The following SLC5A4 variants were observed in gnomAD, a reference collection of about 807,000 sequenced individuals.
SLC5A4 encodes solute carrier family 5 member 4.
Under a neutral mutation model 70.3 loss-of-function variants are expected in SLC5A4, and 55 were observed. That is an observed-to-expected ratio of 0.78 (90% CI 0.63 to 0.98). The LOEUF is 0.98. Among genes scored for constraint, SLC5A4 ranks in the 50% least tolerant of loss-of-function variants. The pLI is 0.00. For synonymous variants in SLC5A4, 268 were observed against 305.7 expected (o/e 0.88, Z 1.29); for missense variants, 735 against 839.2 (o/e 0.88, Z 1.53).
the SLC5A4 span, among the ~76,000 whole-genome samples, chr22:32,337,828 G>T: frequency 6.6e-6 from 1 of 151,296 alleles, no homozygotes; most frequent in African/African-American, 2.4e-5. Flanking sequence ...AGACACAACA[G>T]ATGCAAATAA....
chr22:32,319,077 A>G, the SLC5A4 span, among the ~76,000 whole-genome samples: 4 of 151,792 alleles, frequency 2.6e-5, no homozygotes, highest in Non-Finnish European at 5.9e-5. Flanking sequence ...GGGAATTCAC[A>G]CTCTCTGCCT....
chr22:32,277,639 C>A, the SLC5A4 span, among the ~76,000 whole-genome samples: 5 of 152,250 alleles, frequency 3.3e-5, no homozygotes, highest in East Asian at 9.7e-4. Flanking sequence ...CCTCCGCTTC[C>A]CGGGTTCATG....
the SLC5A4 span, among the ~76,000 whole-genome samples, chr22:32,336,422 TAAGATTCCAAACTA>T: frequency 1.4e-4 from 22 of 152,344 alleles, 1 homozygote; most frequent in South Asian, 3.5e-3. Flanking sequence ...GCATTTTAAT[TAAGATTCCAAACTA>T]AAGATTCCAA....
At chr22:32,339,895 T>C in the SLC5A4 span, among the ~76,000 whole-genome samples, 2 of 152,234 alleles carry the variant, frequency 1.3e-5, no homozygotes, top group Non-Finnish European at 2.9e-5. Flanking sequence ...CTCAGGTGCT[T>C]TCGGGGACCC....
At chr22:32,292,511 A>T in the SLC5A4 span, among the ~76,000 whole-genome samples, 1 of 151,168 alleles carries the variant, frequency 6.6e-6, no homozygotes, top group African/African-American at 2.4e-5. Context: ...TCTTAGAGGC[A>T]GAGAGTGAGT....
At chr22:32,312,965 T>C in the SLC5A4 span, among the ~76,000 whole-genome samples, 1 of 152,164 alleles carries the variant, frequency 6.6e-6, no homozygotes, top group Non-Finnish European at 1.5e-5. Flanking sequence ...TTGTGAACCA[T>C]GTGACTTTAA....
At chr22:32,325,461 C>T in the SLC5A4 span, among the ~76,000 whole-genome samples, 1 of 152,192 alleles carries the variant, frequency 6.6e-6, no homozygotes, top group East Asian at 1.9e-4. Flanking sequence ...GATGGAACAG[C>T]CTCAGCCAAG....
At chr22:32,251,669 T>G in intron 3 of SLC5A4, 101 bp downstream of exon 3, 1 of 813,402 alleles carries the variant, frequency 1.2e-6, no homozygotes, top group Non-Finnish European at 2.1e-6. Flanking sequence ...CTGTTCTTTA[T>G]AAATTATCCA....
chr22:32,306,296 T>A, the SLC5A4 span, among the ~76,000 whole-genome samples: 1 of 142,258 alleles, frequency 7.0e-6, no homozygotes, highest in African/African-American at 2.6e-5. Flanking sequence ...AAACCCTATC[T>A]CTACTAAAAA....
intron 11 of SLC5A4, among the ~76,000 whole-genome samples, chr22:32,226,030 A>G (rs1247370750): frequency 1.3e-5 from 2 of 152,240 alleles, no homozygotes; most frequent in Non-Finnish European, 2.9e-5. Flanking sequence ...ATAATTAATC[A>G]TAATAGCTTC....
chr22:32,316,679 G>A, the SLC5A4 span, among the ~76,000 whole-genome samples: 4,688 of 149,464 alleles, frequency 0.031, 94 homozygotes, highest in Non-Finnish European at 0.048. Flanking sequence ...ACAGGTGCTC[G>A]CCACCATGCT....
chr22:32,286,297 T>C, the SLC5A4 span, among the ~76,000 whole-genome samples: 1 of 152,210 alleles, frequency 6.6e-6, no homozygotes, highest in South Asian at 2.1e-4. Flanking sequence ...TATGTTTTAA[T>C]TTGTGGGGTT....
chr22:32,239,129 T>C, intron 5 of SLC5A4, 39 bp from the exon 6 acceptor site: 1 of 1,481,946 alleles, frequency 6.7e-7, no homozygotes, highest in Non-Finnish European at 9.4e-7. Flanking sequence ...GAAACATGCA[T>C]TTGAGGCCAC....
chr22:32,350,905 G>GT, the SLC5A4 span, among the ~76,000 whole-genome samples: 2 of 142,422 alleles, frequency 1.4e-5, no homozygotes, highest in Non-Finnish European at 3.0e-5. Context: ...AGAGAAATCA[G>GT]TAAAAAAAAA....
the SLC5A4 span, among the ~76,000 whole-genome samples, chr22:32,301,395 G>A: frequency 6.6e-6 from 1 of 152,136 alleles, no homozygotes; most frequent in African/African-American, 2.4e-5. Context: ...GTTTTAATAT[G>A]CATCTGCCTA....
Position 32,247,423 on chromosome 22 carries a change from A to T in SLC5A4, c.465T>A (p.Val155=). The T allele has an allele frequency of 6.2e-7, 1 of 1,611,836 alleles. No individual in the cohort carries two copies. The highest frequency in any genetic ancestry group is 8.5e-7 in the Non-Finnish European group (1 of 1,177,946). The change falls in exon 5 of 15, where the codon GTT becomes GTA. Residue 155 remains valine (V), a synonymous_variant. Transcript: ENST00000266086. The part of the protein sequence containing the change: ...LSILSLFICV[V]LLISADIFAG... ...GCTCTGAACTCACAGAAATTAACAA[A>T]ACCACACAGATGAAGAGGGAGAGGA... is the stretch of plus-strand genomic sequence containing the variant.
Position 32,232,993 on chromosome 22 carries a change from G to A in SLC5A4, c.927C>T (p.His309=), listed in dbSNP as rs755247532. Residue 309 remains histidine, a synonymous_variant, in exon 9 of 15, where the codon CAC becomes CAT. Transcript: ENST00000266086. The part of the protein sequence containing the change: ...QRCLCGKDMS[H]VKAACIMCAY... ...CACACATAATGCAAGCGGCCTTCAC[G>A]TGAGACATGTCCTTGCCACACAGGC... The A allele has an allele frequency of 4.0e-5, 65 of 1,614,002 alleles. No homozygotes were observed. The highest frequency in any genetic ancestry group is 5.3e-5 in the African/African-American group (4 of 74,920).
chr22:32,281,444 G>T, the SLC5A4 span, among the ~76,000 whole-genome samples: 1 of 152,344 alleles, frequency 6.6e-6, no homozygotes, highest in South Asian at 2.1e-4. Context: ...CCAGGGAGCA[G>T]TCTGTCTGTT....
chr22:32,270,102 G>A, the SLC5A4 span: 1 of 520,728 alleles, frequency 1.9e-6, no homozygotes, highest in Non-Finnish European at 3.7e-6. Flanking sequence ...CAGCTGGTCA[G>A]CCAGGGACAA....
Sources: gnomAD v4.1 joint callset for allele counts (sites outside exome capture counted in the v4.1 genomes callset) on GRCh38, gnomAD v4.1.1 for gene constraint, MANE v1.5 for transcripts, NCBI Gene and HGNC (gene_info 2026-07-23, HGNC 2026-07-21) for gene names.